HMBOX1: variants seen among roughly 807,000 people sequenced by gnomAD.
HMBOX1 encodes the protein homeobox-containing protein 1.
HMBOX1 carries 14 observed loss-of-function variants against 54.5 expected under a neutral mutation model. That is an observed-to-expected ratio of 0.26 (90% CI 0.17 to 0.40). The LOEUF (loss-of-function observed/expected upper bound fraction) is 0.40, where lower values mean the gene tolerates loss of function less well. Among genes scored for constraint, HMBOX1 ranks in the 10% least tolerant of loss-of-function variants. The pLI, the probability that HMBOX1 is intolerant of heterozygous loss-of-function variation, is 1.00. For synonymous variants in HMBOX1, 160 were observed against 181.0 expected (o/e 0.88, Z 0.93); for missense variants, 332 against 514.4 (o/e 0.65, Z 3.43).
chr8:29,039,654 T>C (rs151150389), intron 6 of HMBOX1, among the ~76,000 whole-genome samples: 3,107 of 152,296 alleles, frequency 0.02, 55 homozygotes, highest in Non-Finnish European at 0.032. Flanking sequence ...ATACCTCCTT[T>C]TGTGAGTAGA....
chr8:28,909,718 TA>T (rs1396839310), intron 1 of HMBOX1, among the ~76,000 whole-genome samples: 1 of 152,174 alleles, frequency 6.6e-6, no homozygotes, highest in Admixed American at 6.5e-5. Context: ...AGAACTTCTT[TA>T]AAAAAGAAAC....
intron 6 of HMBOX1, among the ~76,000 whole-genome samples, chr8:29,022,527 G>A (rs533415854): frequency 6.6e-6 from 1 of 152,260 alleles, no homozygotes; most frequent in South Asian, 2.1e-4. Flanking sequence ...TCTATTTGTA[G>A]TAACTATGTC....
chr8:28,910,202 T>C (rs991514935), intron 1 of HMBOX1, among the ~76,000 whole-genome samples: 1 of 152,258 alleles, frequency 6.6e-6, no homozygotes, highest in Admixed American at 6.5e-5. Context: ...TCTCTTTGAC[T>C]AAGTGTAATG....
chr8:29,047,361 A>T lies in HMBOX1; in HGVS notation c.938A>T (p.Lys313Ile). Residue 313 changes from lysine to isoleucine, a missense_variant, in exon 8 of 10, where the codon AAA (lysine) becomes ATA (isoleucine). This residue lies in a region of HMBOX1 where 117 missense variants were observed against 220.0 expected (regional missense o/e 0.53). Transcript: ENST00000287701. ...ATTTTATTGCATGTATTCACAGGCA[A>T]AAAGCTGTCAGATCTGGAAAGAGTT... ...ACNAVIQKPG[K>I]KLSDLERVTS... 1.9e-6 allele frequency: 3 copies of T among 1,594,518 alleles called. No homozygotes were observed. The highest frequency in any genetic ancestry group is 2.6e-6 in the Non-Finnish European group (3 of 1,162,338).
intron 1 of HMBOX1, among the ~76,000 whole-genome samples, chr8:28,902,773 C>CT (rs11403302): frequency 0.63 from 95,520 of 151,962 alleles, 30,364 homozygotes; most frequent in East Asian, 0.75. Context: ...TCATGCAGGC[C>CT]TGCCTGTGTT....
At chr8:28,937,569 T>TTGCCAGA (rs2131978080) in intron 1 of HMBOX1, among the ~76,000 whole-genome samples, 1 of 152,348 alleles carries the variant, frequency 6.6e-6, no homozygotes, top group South Asian at 2.1e-4. Flanking sequence ...CCTACTGGTG[T>TTGCCAGA]TGCCAGAATA....
chr8:28,982,073 T>C (rs895828862), intron 4 of HMBOX1, among the ~76,000 whole-genome samples: 1 of 151,892 alleles, frequency 6.6e-6, no homozygotes, highest in Admixed American at 6.6e-5. Flanking sequence ...CTGTCTCTAC[T>C]AAAAACACAA....
At chr8:29,041,538 G>T (rs944138414) in intron 6 of HMBOX1, among the ~76,000 whole-genome samples, 3 of 152,132 alleles carry the variant, frequency 2.0e-5, no homozygotes, top group Admixed American at 2.0e-4. Flanking sequence ...GATGTATACA[G>T]TGATAACTAT....
At chr8:28,960,788 T>C (rs1336713670) in intron 1 of HMBOX1, among the ~76,000 whole-genome samples, 6 of 75,304 alleles carry the variant, frequency 8.0e-5, no homozygotes, top group Middle Eastern at 7.0e-3. Context: ...TTTTTTTTTT[T>C]TTTTTTTTTT....
At chr8:29,029,258 A>G (rs1343266354) in intron 6 of HMBOX1, among the ~76,000 whole-genome samples, 1 of 152,192 alleles carries the variant, frequency 6.6e-6, no homozygotes, top group South Asian at 2.1e-4. Flanking sequence ...CAATATTTAT[A>G]TCACTTATGC....
At chr8:29,033,003 G>A (rs768096265) in intron 6 of HMBOX1, among the ~76,000 whole-genome samples, 4 of 152,104 alleles carry the variant, frequency 2.6e-5, no homozygotes, top group African/African-American at 4.8e-5. Flanking sequence ...ATGCCTCAGT[G>A]TTGTTTTCCT....
chr8:28,943,027 C>T (rs551947798), intron 1 of HMBOX1, among the ~76,000 whole-genome samples: 1 of 152,038 alleles, frequency 6.6e-6, no homozygotes, highest in African/African-American at 2.4e-5. Context: ...TTTTGTGAAC[C>T]GCTTCTTCAC....
chr8:28,947,008 T>C (rs1822588781), intron 1 of HMBOX1, among the ~76,000 whole-genome samples: 1 of 152,138 alleles, frequency 6.6e-6, no homozygotes, highest in African/African-American at 2.4e-5. Flanking sequence ...CCCTTGTCAT[T>C]TTGGAGTAGA....
At chr8:28,999,273 T>G (rs2132697790) in intron 4 of HMBOX1, among the ~76,000 whole-genome samples, 1 of 152,296 alleles carries the variant, frequency 6.6e-6, no homozygotes, top group Non-Finnish European at 1.5e-5. Context: ...TATTGAGCAT[T>G]GCTTGTATGT....
rs1254422146 is a variant in HMBOX1, at chr8:29,052,821, T to C, written c.*1666T>C. ...CTCGCTCCATCTCTCCTATGTATAA[T>C]GAAGCCTTGTTTAAAGGGGCATGTG... On this transcript the variant is annotated 3_prime_UTR_variant, in exon 10 of 10. Transcript: ENST00000287701. 2.6e-5 allele frequency: 4 copies of C among 152,326 alleles called. No individual in the cohort carries two copies. The highest frequency in any genetic ancestry group is 5.9e-5 in the Non-Finnish European group (4 of 68,034). The allele number at this position is 152,326 out of a possible 1,614,324, so 9.4% of individuals were successfully genotyped here. A position where few individuals can be genotyped will look rare whatever the true frequency, so the allele number is the denominator to read the frequency against.
At chr8:28,969,614 A>G (rs1827050724) in intron 2 of HMBOX1, among the ~76,000 whole-genome samples, 1 of 152,230 alleles carries the variant, frequency 6.6e-6, no homozygotes, top group Admixed American at 6.5e-5. Context: ...GGTAAATAAT[A>G]TAATACAAAC....
chr8:29,009,494 A>G, intron 5 of HMBOX1: 1 of 951,458 alleles, frequency 1.1e-6, no homozygotes, highest in Non-Finnish European at 1.2e-6. Flanking sequence ...GTTTTCTTCA[A>G]CTACATAACT....
chr8:28,982,446 TTTTGTTTG>T (rs899059701), intron 4 of HMBOX1, among the ~76,000 whole-genome samples: 1 of 151,926 alleles, frequency 6.6e-6, no homozygotes, highest in Non-Finnish European at 1.5e-5. Context: ...GTTTTTACTT[TTTTGTTTG>T]TTTGTTTGTT....
chr8:28,936,954 ATTG>A (rs1430098759), intron 1 of HMBOX1, among the ~76,000 whole-genome samples: 1 of 152,148 alleles, frequency 6.6e-6, no homozygotes. Flanking sequence ...AAAGTACAAT[ATTG>A]TTCTTCATTT....
Sources: gnomAD v4.1 joint callset for allele counts (sites outside exome capture counted in the v4.1 genomes callset) on GRCh38, gnomAD v4.1.1 for gene constraint, gnomAD v4.1.1 regional missense constraint, MANE v1.5 for transcripts, NCBI Gene and HGNC (gene_info 2026-07-23, HGNC 2026-07-21) for gene names.